DNAJA3: variants seen among roughly 807,000 people sequenced by gnomAD.
DNAJA3 encodes the protein DnaJ heat shock protein family (Hsp40) member A3.
Under a neutral mutation model 54.9 loss-of-function variants are expected in DNAJA3, and 29 were observed. That is an observed-to-expected ratio of 0.53 (90% confidence interval 0.39 to 0.72). The LOEUF (loss-of-function observed/expected upper bound fraction) is 0.72, where lower values mean the gene tolerates loss of function less well. Among genes scored for constraint, DNAJA3 ranks in the 30% least tolerant of loss-of-function variants. DNAJA3 has a pLI of 0.00. For missense variants in DNAJA3, 708 were observed against 639.4 expected (o/e 1.11, Z -1.16); for synonymous variants, 302 against 251.4 (o/e 1.20, Z -1.90).
intron 7 of DNAJA3, among the ~76,000 whole-genome samples, chr16:4,445,374 G>A (rs2056891063): frequency 6.6e-6 from 1 of 152,218 alleles, no homozygotes; most frequent in Non-Finnish European, 1.5e-5. Context: ...GCCAGTGGCT[G>A]TAGGGCCTCA....
Position 4,455,656 on chromosome 16 carries a change from G to A in DNAJA3, c.*124G>A. The A allele has an allele frequency of 1.3e-6, 2 of 1,481,804 alleles. No homozygotes were observed. 91.8% of individuals were successfully genotyped at this position (1,481,804 alleles called of 1,614,324 possible). On this transcript the variant is annotated 3_prime_UTR_variant, in exon 12 of 12. Coordinates refer to ENST00000262375, the MANE Select transcript of DNAJA3 (RefSeq NM_005147.6). ...GCAGCACTGAGCTCCCACCCGCAGA[G>A]CCTCTGGACGGCCTTGGCAACAGCA...
At chr16:4,434,688 G>A (rs532144603) in intron 2 of DNAJA3, among the ~76,000 whole-genome samples, 171 bp downstream of exon 2, 55 of 152,240 alleles carry the variant, frequency 3.6e-4, no homozygotes, top group African/African-American at 1.3e-3. Flanking sequence ...GATGCACAAT[G>A]CTGTAGAGGT....
chr16:4,434,449 G>C lies in DNAJA3; in HGVS notation c.277G>C (p.Asp93His). Residue 93 changes from aspartate to histidine, a missense_variant, in exon 2 of 12, where the codon GAT becomes CAT. Transcript: ENST00000262375. The part of the protein sequence containing the change: ...FHTSAPLAKE[D>H]YYQILGVPRN... ...CACGAGTGCCCCTTTGGCCAAAGAA[G>C]ATTATTATCAGATATTAGGAGTGCC... 2 of 1,614,006 alleles carry C rather than the reference G, an allele frequency of 1.2e-6. No homozygotes were observed. The highest frequency in any genetic ancestry group is 1.7e-6 in the Non-Finnish European group (2 of 1,179,984).
At chr16:4,441,277 A>G in intron 3 of DNAJA3, 98 bp from the exon 4 acceptor site, 1 of 1,172,360 alleles carries the variant, frequency 8.5e-7, no homozygotes, top group East Asian at 2.4e-5. Context: ...AGGGCCACTT[A>G]ATAAATGTTA....
chr16:4,452,707 G>T (rs540297516), intron 10 of DNAJA3, among the ~76,000 whole-genome samples: 6 of 152,066 alleles, frequency 3.9e-5, no homozygotes, highest in Non-Finnish European at 5.9e-5. Flanking sequence ...CCAGGAGTTC[G>T]AGACCAGCCT....
At position 4,426,242 on chromosome 16, in the gene DNAJA3, C is replaced by T. The variant is rs564047476; in HGVS notation, c.211+150C>T. The T allele has an allele frequency of 2.5e-4, 241 of 956,864 alleles. 3 individuals carry two copies. The East Asian group carries it at 6.0e-3, about 24-fold the overall frequency. The allele number at this position is 956,864 out of a possible 1,614,324, so 59.3% of individuals were successfully genotyped here. ...GCCGGAGACACAGACAGGCAGGAGG[C>T]GGGGAGGCCCCAGTGGCTGCTCAGC... On this transcript the variant is annotated intron_variant, in intron 1 of 11. Coordinates refer to ENST00000262375, the MANE Select transcript of DNAJA3 (RefSeq NM_005147.6).
Position 4,444,854 on chromosome 16 carries a change from C to T in DNAJA3, c.996+126C>T. On this transcript the variant is annotated intron_variant, in intron 7 of 11. Coordinates refer to ENST00000262375, the MANE Select transcript of DNAJA3 (RefSeq NM_005147.6). ...TCTCGCCATTCATGTTTCTGAGGGG[C>T]ACAGTGGCCACCTAGATGTGGTTTT... 3 of 798,142 alleles carry T rather than the reference C, an allele frequency of 3.8e-6. No individual in the cohort carries two copies. In the South Asian group the frequency reaches 5.2e-5, roughly 14 times the overall value. 49.4% of individuals were successfully genotyped at this position (798,142 alleles called of 1,614,324 possible).
intron 10 of DNAJA3, among the ~76,000 whole-genome samples, chr16:4,451,225 G>A (rs559838856): frequency 2.0e-5 from 3 of 152,314 alleles, no homozygotes; most frequent in South Asian, 2.1e-4. Context: ...CAGGCGGCAT[G>A]TATTTCCTCC....
chr16:4,425,912 C>T lies in DNAJA3; in HGVS notation c.31C>T (p.Leu11=), dbSNP rs1450801419. ...TGCGCGGTGCTCCACACGCTGGTTG[C>T]TGGTGGTTGTGGGGACCCCGCGGCT... MAARCSTRWL[L]VVVGTPRLPA... The change falls in exon 1 of 12, where the codon CTG becomes TTG. Residue 11 remains leucine (L), a synonymous_variant. Coordinates refer to ENST00000262375, the MANE Select transcript of DNAJA3 (RefSeq NM_005147.6). The T allele has an allele frequency of 8.4e-6, 13 of 1,546,332 alleles. No individual in the cohort carries two copies. The highest frequency in any genetic ancestry group is 9.6e-6 in the Non-Finnish European group (11 of 1,146,912).
chr16:4,426,233 G>A, intron 1 of DNAJA3, 141 bp downstream of exon 1: 1 of 1,005,308 alleles, frequency 9.9e-7, no homozygotes, highest in Non-Finnish European at 1.4e-6. Flanking sequence ...GACACAGACA[G>A]GCAGGAGGCG....
chr16:4,446,593 T>A (rs991637972), intron 7 of DNAJA3, among the ~76,000 whole-genome samples: 14 of 152,318 alleles, frequency 9.2e-5, no homozygotes, highest in Admixed American at 6.5e-4. Context: ...CATTTTTGTT[T>A]CCCTTCACGA....
At chr16:4,448,602 A>T (rs537804316) in intron 8 of DNAJA3, 131 bp from the exon 9 acceptor site, 2 of 674,506 alleles carry the variant, frequency 3.0e-6, no homozygotes, top group South Asian at 1.8e-5. Flanking sequence ...TCGACCTCCC[A>T]AAGTGATGGG....
At chr16:4,447,106 G>T in intron 8 of DNAJA3, 92 bp downstream of exon 8, 12 of 1,480,260 alleles carry the variant, frequency 8.1e-6, no homozygotes, top group Non-Finnish European at 1.1e-5. Flanking sequence ...TGGAACCCAT[G>T]AGTGACCAGC....
chr16:4,442,551 C>G, intron 5 of DNAJA3, 131 bp downstream of exon 5: 1 of 1,121,440 alleles, frequency 8.9e-7, no homozygotes, highest in South Asian at 2.0e-5. Flanking sequence ...GGCTGTCTTT[C>G]CCCCGTGACC....
chr16:4,442,349 C>T lies in DNAJA3; in HGVS notation c.712C>T (p.Arg238Cys), dbSNP rs760124573. Residue 238 changes from arginine to cysteine, a missense_variant, in exon 5 of 12, where the codon CGC (arginine) becomes TGC (cysteine). Physicochemically the swap from Arg to Cys is radical, Grantham distance 180. Transcript: ENST00000262375. ...CGTGAACATCATGGACACGTGTGAG[C>T]GCTGCAACGGCAAGGGGAACGAGCC... ...FTVNIMDTCE[R>C]CNGKGNEPGT... 1.1e-5 allele frequency: 18 copies of T among 1,609,614 alleles called. No individual in the cohort carries two copies. Among genetic ancestry groups the T allele is most frequent in the South Asian group, 3.3e-5 (3 of 89,800 alleles).
chr16:4,425,940 C>T lies in DNAJA3; in HGVS notation c.59C>T (p.Pro20Leu), dbSNP rs773998772. ...GTGGTTGTGGGGACCCCGCGGCTGC[C>T]GGCTATATCGGGTAGAGGGGCCCGG... ...LLVVVGTPRL[P>L]AISGRGARPP... The change falls in exon 1 of 12, where the codon CCG becomes CTG. Residue 20 changes from proline to leucine, a missense_variant. Coordinates refer to ENST00000262375, the MANE Select transcript of DNAJA3 (RefSeq NM_005147.6). 2.6e-6 allele frequency: 4 copies of T among 1,560,040 alleles called. No individual in the cohort carries two copies. Among genetic ancestry groups the T allele is most frequent in the African/African-American group, 2.7e-5 (2 of 73,022 alleles).
intron 8 of DNAJA3, among the ~76,000 whole-genome samples, 200 bp from the exon 9 acceptor site, chr16:4,448,533 G>A (rs749067505): frequency 1.3e-5 from 2 of 151,888 alleles, no homozygotes; most frequent in African/African-American, 2.4e-5. Context: ...TAGTAGAGAC[G>A]GGGTTTCATC....
chr16:4,434,927 C>T lies in DNAJA3; in HGVS notation c.345+410C>T, dbSNP rs539028185. ...TTTTTTTTTTTTTGAGATGGAGTCTCACTCCATTGCTGAGGCTGGAGTGCA... is the reference window on the plus strand; with the variant it reads ...TTTTTTTTTTTTTGAGATGGAGTCTTACTCCATTGCTGAGGCTGGAGTGCA... On this transcript the variant is annotated intron_variant, in intron 2 of 11. Coordinates refer to ENST00000262375, the MANE Select transcript of DNAJA3 (RefSeq NM_005147.6). Among the ~76,000 whole-genome samples, 88 of 115,980 alleles carry T rather than the reference C, an allele frequency of 7.6e-4. 1 individual carries two copies. Among genetic ancestry groups the T allele is most frequent in the Admixed American group, 2.2e-3 (19 of 8,494 alleles). 76.1% of individuals were successfully genotyped at this position (115,980 alleles called of 152,430 possible).
intron 6 of DNAJA3, 123 bp downstream of exon 6, chr16:4,443,287 G>A (rs2056860239): frequency 7.8e-7 from 1 of 1,281,544 alleles, no homozygotes; most frequent in Non-Finnish European, 1.1e-6. Context: ...TGGGCTCTTG[G>A]TAGAAGTTAT....
Sources: allele counts gnomAD v4.1 joint callset (sites outside exome capture counted in the v4.1 genomes callset), GRCh38; gene constraint gnomAD v4.1.1; transcripts MANE v1.5; gene names NCBI Gene and HGNC (gene_info 2026-07-23, HGNC 2026-07-21).